GPC6: variants seen among roughly 807,000 people sequenced by gnomAD.
GPC6 encodes the protein glypican 6, also known as glypican-6.
Under a neutral mutation model 55.2 loss-of-function variants are expected in GPC6, and 14 were observed. That is an observed-to-expected ratio of 0.25 (90% confidence interval 0.17 to 0.40). The LOEUF is 0.40. Ranked by LOEUF, GPC6 falls within the 10% of genes least tolerant of loss-of-function variation. The probability of loss-of-function intolerance (pLI) is 1.00; values close to 1 mark genes in which losing one functional copy is unlikely to be tolerated. For synonymous variants in GPC6, 278 were observed against 259.6 expected, an observed-to-expected ratio of 1.07 and a Z score of -0.68; for missense variants, 641 against 708.5, an observed-to-expected ratio of 0.90 and a Z score of 1.08.
intron 2 of GPC6, among the ~76,000 whole-genome samples, chr13:93,680,320 A>G (rs568447760): frequency 1.2e-4 from 18 of 152,288 alleles, no homozygotes; most frequent in African/African-American, 4.3e-4. Context: ...ATGCCCCAGA[A>G]GGAACCGACT....
chr13:93,872,726 C>G lies in GPC6; in HGVS notation c.711+42181C>G, dbSNP rs1340960022. On this transcript the variant is annotated intron_variant, in intron 3 of 8. Transcript: ENST00000377047. ...CTCAGGATCCTTAATTTTTTCACCT[C>G]TGCAAAATCCTTTTGGCCATGCAAC... 3.3e-5 allele frequency among the ~76,000 whole-genome samples: 5 copies of G among 151,948 alleles called. No individual in the cohort carries two copies. In the South Asian group the frequency reaches 6.2e-4, roughly 19 times the overall value.
intron 5 of GPC6, among the ~76,000 whole-genome samples, chr13:94,298,377 T>G (rs1594143895): frequency 1.3e-5 from 2 of 152,324 alleles, no homozygotes; most frequent in East Asian, 3.9e-4. Context: ...AGGCCCTAGC[T>G]CTGTGCTTAA....
At chr13:93,652,121 A>G (rs1197870776) in intron 2 of GPC6, among the ~76,000 whole-genome samples, 1 of 152,332 alleles carries the variant, frequency 6.6e-6, no homozygotes, top group East Asian at 1.9e-4. Flanking sequence ...ACTTTTTCCA[A>G]TAACTTGTTC....
At chr13:94,005,879 T>C (rs1355577189) in intron 3 of GPC6, among the ~76,000 whole-genome samples, 1 of 152,204 alleles carries the variant, frequency 6.6e-6, no homozygotes, top group Admixed American at 6.5e-5. Flanking sequence ...CTGATAAGTG[T>C]CTAAATTAGA....
At chr13:94,390,717 A>T (rs1161812336) in intron 7 of GPC6, among the ~76,000 whole-genome samples, 1 of 152,176 alleles carries the variant, frequency 6.6e-6, no homozygotes. Context: ...ACAAATCCAA[A>T]CCATATCAGT....
chr13:93,633,057 T>C (rs1879528167), intron 2 of GPC6, among the ~76,000 whole-genome samples: 1 of 152,194 alleles, frequency 6.6e-6, no homozygotes, highest in South Asian at 2.1e-4. Flanking sequence ...TATTTTCCTT[T>C]TCCAATTTAT....
intron 4 of GPC6, among the ~76,000 whole-genome samples, chr13:94,246,422 A>G (rs954945986): frequency 6.6e-6 from 1 of 152,126 alleles, no homozygotes; most frequent in African/African-American, 2.4e-5. Context: ...GACATTCAAG[A>G]CATCATTGCC....
chr13:93,695,387 C>T (rs1339832476), intron 2 of GPC6, among the ~76,000 whole-genome samples: 1 of 151,472 alleles, frequency 6.6e-6, no homozygotes, highest in East Asian at 1.9e-4. Flanking sequence ...ATTTTTAAAC[C>T]AACAAAATAG....
intron 4 of GPC6, among the ~76,000 whole-genome samples, chr13:94,139,149 G>A (rs1197885869): frequency 6.6e-6 from 1 of 151,796 alleles, no homozygotes; most frequent in African/African-American, 2.4e-5. Context: ...GGGATCAGAT[G>A]ATGAAGGACC....
At chr13:93,892,162 T>C (rs1875731977) in intron 3 of GPC6, among the ~76,000 whole-genome samples, 1 of 152,054 alleles carries the variant, frequency 6.6e-6, no homozygotes, top group Non-Finnish European at 1.5e-5. Context: ...GTATGTATAT[T>C]GTGTGTGTGG....
intron 1 of GPC6, among the ~76,000 whole-genome samples, chr13:93,498,062 C>G (rs773097918): frequency 1.3e-5 from 2 of 152,120 alleles, no homozygotes; most frequent in Admixed American, 6.5e-5. Context: ...ACCAGTTGCC[C>G]CAGGTGGCCG....
intron 1 of GPC6, among the ~76,000 whole-genome samples, chr13:93,337,130 A>G (rs941920062): frequency 4.6e-5 from 7 of 152,220 alleles, no homozygotes; most frequent in African/African-American, 1.7e-4. Flanking sequence ...TTCTTCAATT[A>G]AAAACTGTGG....
chr13:94,218,617 C>T (rs916593311), intron 4 of GPC6, among the ~76,000 whole-genome samples: 1 of 152,112 alleles, frequency 6.6e-6, no homozygotes, highest in African/African-American at 2.4e-5. Context: ...TTTTGGTGAC[C>T]GTCCTGTACC....
intron 4 of GPC6, among the ~76,000 whole-genome samples, chr13:94,097,053 T>C (rs1209303849): frequency 1.3e-5 from 2 of 151,808 alleles, no homozygotes; most frequent in Admixed American, 6.6e-5. Context: ...TTAATACCTA[T>C]TATGCACTTA....
At chr13:93,318,713 A>G (rs1205538644) in intron 1 of GPC6, among the ~76,000 whole-genome samples, 1 of 152,132 alleles carries the variant, frequency 6.6e-6, no homozygotes, top group African/African-American at 2.4e-5. Flanking sequence ...AAGCAAAATC[A>G]TGATTCAGAA....
intron 1 of GPC6, among the ~76,000 whole-genome samples, chr13:93,367,087 A>G (rs58763172): frequency 1.2e-4 from 19 of 152,176 alleles, no homozygotes; most frequent in East Asian, 1.2e-3. Flanking sequence ...AAATTTTATC[A>G]TCACCAAAAA....
At chr13:93,895,056 C>T (rs1021009641) in intron 3 of GPC6, among the ~76,000 whole-genome samples, 1 of 150,736 alleles carries the variant, frequency 6.6e-6, no homozygotes, top group Non-Finnish European at 1.5e-5. Context: ...CAACGTCTTA[C>T]AGCAAATATA....
chr13:93,786,535 A>T (rs1022835830), intron 2 of GPC6, among the ~76,000 whole-genome samples: 3 of 152,140 alleles, frequency 2.0e-5, no homozygotes, highest in Non-Finnish European at 2.9e-5. Flanking sequence ...ATTAGGACAT[A>T]CACAGCTACT....
At chr13:93,619,817 G>A (rs1437594584) in intron 2 of GPC6, among the ~76,000 whole-genome samples, 2 of 152,062 alleles carry the variant, frequency 1.3e-5, no homozygotes, top group African/African-American at 4.8e-5. Flanking sequence ...GTGTTTTGGT[G>A]TATGAGTGTA....
Sources: gnomAD v4.1 joint callset for allele counts (sites outside exome capture counted in the v4.1 genomes callset) on GRCh38, gnomAD v4.1.1 for gene constraint, MANE v1.5 for transcripts, NCBI Gene and HGNC (gene_info 2026-07-23, HGNC 2026-07-21) for gene names.